The following TMEM163 variants were observed in gnomAD, a reference collection of about 807,000 sequenced individuals.
TMEM163 encodes the protein transmembrane protein 163.
TMEM163 carries 17 observed loss-of-function variants against 29.3 expected under a neutral mutation model. The observed-to-expected ratio is 0.58, with a 90% CI of 0.40 to 0.87. TMEM163 has a LOEUF of 0.87. Ranked by LOEUF, TMEM163 falls within the 40% of genes least tolerant of loss-of-function variation. The pLI, the probability that TMEM163 is intolerant of heterozygous loss-of-function variation, is 0.00. For missense variants in TMEM163, 303 were observed against 381.5 expected, an observed-to-expected ratio of 0.79 and a Z score of 1.71; for synonymous variants, 157 against 160.6, an observed-to-expected ratio of 0.98 and a Z score of 0.17.
At chr2:134,642,448 T>C (rs922053533) in intron 2 of TMEM163, among the ~76,000 whole-genome samples, 3 of 151,508 alleles carry the variant, frequency 2.0e-5, no homozygotes, top group East Asian at 1.9e-4. Context: ...ATAATTACAG[T>C]TGGAGACTTC....
At chr2:134,458,006 G>A in intron 7 of TMEM163, 26 bp downstream of exon 7, 1 of 1,613,742 alleles carries the variant, frequency 6.2e-7, no homozygotes, top group Non-Finnish European at 8.5e-7. Context: ...TGCCAGGAAA[G>A]CAAACAGGAA....
In TMEM163 at chr2:134,684,293, G is replaced by A. The variant is rs528411901; in HGVS notation, c.322+28907C>T. ...TGTATCAAGCATAAACCTTACCATC[G>A]AGAGGCTTCACTAGTGAAGGTTACA... On this transcript the variant is annotated intron_variant, in intron 2 of 7. Coordinates refer to ENST00000281924, the MANE Select transcript of TMEM163 (RefSeq NM_030923.5). Among the ~76,000 whole-genome samples the A allele has an allele frequency of 5.9e-5, 9 of 152,172 alleles. No individual in the cohort carries two copies. The East Asian group carries it at 7.7e-4, about 13-fold the overall frequency.
intron 4 of TMEM163, among the ~76,000 whole-genome samples, chr2:134,547,938 C>G (rs1480772043): frequency 6.6e-6 from 1 of 152,174 alleles, no homozygotes; most frequent in Non-Finnish European, 1.5e-5. Flanking sequence ...CAGATCCCAA[C>G]GCTATAGAAA....
Position 134,686,712 on chromosome 2 carries a change from G to T in TMEM163, c.322+26488C>A, listed in dbSNP as rs1355017792. Among the ~76,000 whole-genome samples the T allele has an allele frequency of 2.0e-5, 3 of 152,228 alleles. No homozygotes were observed. In the East Asian group the frequency reaches 5.8e-4, roughly 29 times the overall value. On this transcript the variant is annotated intron_variant, in intron 2 of 7. Coordinates refer to ENST00000281924, the MANE Select transcript of TMEM163 (RefSeq NM_030923.5). ...TACTAAGAAATTTGGAGGCGTGGAA[G>T]TGAAAAGCTGTGAAGGATCAGAGAT...
At chr2:134,582,449 G>T (rs1275474674) in intron 2 of TMEM163, among the ~76,000 whole-genome samples, 1 of 152,240 alleles carries the variant, frequency 6.6e-6, no homozygotes, top group Non-Finnish European at 1.5e-5. Flanking sequence ...CCTTTGGACT[G>T]TTCCTGCATG....
At chr2:134,657,032 A>G (rs1326327613) in intron 2 of TMEM163, among the ~76,000 whole-genome samples, 2 of 152,284 alleles carry the variant, frequency 1.3e-5, no homozygotes, top group East Asian at 3.9e-4. Flanking sequence ...CTATGTTAAT[A>G]AGGGATATTG....
chr2:134,709,809 C>T (rs985415017), intron 2 of TMEM163, among the ~76,000 whole-genome samples: 1 of 152,226 alleles, frequency 6.6e-6, no homozygotes, highest in Non-Finnish European at 1.5e-5. Context: ...TTAGCATCAA[C>T]ACAGACATAA....
intron 2 of TMEM163, among the ~76,000 whole-genome samples, chr2:134,585,636 G>A (rs1681800729): frequency 1.3e-5 from 2 of 152,040 alleles, no homozygotes; most frequent in Admixed American, 1.3e-4. Flanking sequence ...CAGCTACTAG[G>A]GAGGCTGAAG....
At chr2:134,473,598 C>A (rs1686852542) in intron 5 of TMEM163, among the ~76,000 whole-genome samples, 1 of 150,274 alleles carries the variant, frequency 6.7e-6, no homozygotes, top group Non-Finnish European at 1.5e-5. Context: ...AGAGAAGAAT[C>A]AATAAAACCA....
intron 5 of TMEM163, among the ~76,000 whole-genome samples, chr2:134,470,963 A>G (rs508247): frequency 0.43 from 65,563 of 152,088 alleles, 16,023 homozygotes; most frequent in East Asian, 0.81. Context: ...CTTGAAGCCA[A>G]GAGTTCAACA....
intron 4 of TMEM163, among the ~76,000 whole-genome samples, chr2:134,526,717 T>C (rs1574207873): frequency 6.6e-6 from 1 of 152,138 alleles, no homozygotes; most frequent in Non-Finnish European, 1.5e-5. Flanking sequence ...GCAGGGAAAA[T>C]AGCCCGGCAA....
At chr2:134,562,117 T>A (rs1330850718) in intron 2 of TMEM163, among the ~76,000 whole-genome samples, 1 of 152,218 alleles carries the variant, frequency 6.6e-6, no homozygotes, top group Non-Finnish European at 1.5e-5. Context: ...TGTTTCTAGG[T>A]AAACTCATTT....
chr2:134,512,225 G>C (rs1483227203), intron 4 of TMEM163, among the ~76,000 whole-genome samples: 1 of 152,180 alleles, frequency 6.6e-6, no homozygotes, highest in East Asian at 1.9e-4. Flanking sequence ...TGGGAGGCCA[G>C]GGTGGGCAGA....
chr2:134,557,806 T>A (rs1273856386), intron 2 of TMEM163, among the ~76,000 whole-genome samples: 1 of 152,146 alleles, frequency 6.6e-6, no homozygotes, highest in Admixed American at 6.5e-5. Flanking sequence ...AATTTCTTTG[T>A]GGGCAAATTG....
chr2:134,524,711 A>G (rs1275579151), intron 4 of TMEM163, among the ~76,000 whole-genome samples: 1 of 150,112 alleles, frequency 6.7e-6, no homozygotes, highest in Non-Finnish European at 1.5e-5. Context: ...ATTCCTTTTT[A>G]TGGCTGCGTA....
intron 2 of TMEM163, among the ~76,000 whole-genome samples, chr2:134,585,004 G>A (rs532463200): frequency 2.0e-5 from 3 of 152,122 alleles, no homozygotes; most frequent in Non-Finnish European, 2.9e-5. Context: ...ATGGATGCCT[G>A]GGTATTCTTC....
chr2:134,605,180 C>CAAAAAAAAAA (rs754781954), intron 2 of TMEM163, among the ~76,000 whole-genome samples: 1 of 105,204 alleles, frequency 9.5e-6, no homozygotes. Flanking sequence ...TGGTCTCCAG[C>CAAAAAAAAAA]AAAAAAAAAA....
intron 5 of TMEM163, chr2:134,466,477 T>C (rs1010442325): frequency 2.2e-4 from 95 of 434,316 alleles, no homozygotes; most frequent in Middle Eastern, 6.8e-4. Context: ...CTGTAGGAGA[T>C]TGACCTCCCC....
intron 6 of TMEM163, among the ~76,000 whole-genome samples, chr2:134,462,107 G>A (rs1686554453): frequency 6.6e-6 from 1 of 152,168 alleles, no homozygotes; most frequent in South Asian, 2.1e-4. Context: ...GGGCCACAGA[G>A]CACAGGGCCC....
Sources: gnomAD v4.1 joint callset for allele counts (sites outside exome capture counted in the v4.1 genomes callset) on GRCh38, gnomAD v4.1.1 for gene constraint, MANE v1.5 for transcripts, NCBI Gene and HGNC (gene_info 2026-07-23, HGNC 2026-07-21) for gene names.